The following UNC45B variants were observed in gnomAD, a reference collection of about 807,000 sequenced individuals.
UNC45B encodes unc-45 myosin chaperone B.
Under a neutral mutation model 98.7 loss-of-function variants are expected in UNC45B, and 78 were observed. That is an observed-to-expected ratio of 0.79 (90% confidence interval 0.66 to 0.95). UNC45B has a LOEUF of 0.95. UNC45B is among the 40% of genes least tolerant of loss of function. The pLI is 0.00. For missense variants in UNC45B, 1,225 were observed against 1,184.9 expected (o/e 1.03, Z -0.50); for synonymous variants, 462 against 480.4 (o/e 0.96, Z 0.50).
At chr17:35,161,133 C>T (rs566276497) in intron 8 of UNC45B, among the ~76,000 whole-genome samples, 9 of 152,360 alleles carry the variant, frequency 5.9e-5, no homozygotes, top group African/African-American at 2.2e-4. Context: ...CAGATCTTCT[C>T]TCTCAGCACC....
chr17:35,167,002 T>C (rs1235260219), intron 9 of UNC45B: 3 of 152,282 alleles, frequency 2.0e-5, no homozygotes, highest in Non-Finnish European at 4.4e-5. Context: ...CACGCAGAGA[T>C]TCTCCCCTAG....
intron 7 of UNC45B, among the ~76,000 whole-genome samples, chr17:35,156,231 A>G (rs2092060493): frequency 6.6e-6 from 1 of 152,212 alleles, no homozygotes; most frequent in Admixed American, 6.5e-5. Context: ...ATGGGGACAA[A>G]GTTTCAGTTT....
At chr17:35,153,581 A>G (rs1431483869) in intron 5 of UNC45B, among the ~76,000 whole-genome samples, 2 of 152,202 alleles carry the variant, frequency 1.3e-5, no homozygotes, top group African/African-American at 4.8e-5. Context: ...ACAATGGGGA[A>G]TTTTTGTTAG....
rs933404553 is a variant in UNC45B, at chr17:35,171,324, C to T, written c.1692C>T (p.Thr564=). Residue 564 remains threonine, a splice_region_variant and synonymous_variant, in exon 13 of 20, where the codon ACC becomes ACT. Coordinates refer to ENST00000394570, the MANE Select transcript of UNC45B (RefSeq NM_001267052.2). The part of the protein sequence containing the change: ...ALQAMFELAK[T]SDKTILYSVA... ...CTCCCCAACCCTGTGCCTTCCAGAC[C>T]AGTGACAAGACCATCCTGTACTCGG... is the stretch of plus-strand genomic sequence containing the variant. 3 of 1,613,754 alleles carry T rather than the reference C, an allele frequency of 1.9e-6. No individual in the cohort carries two copies. Among genetic ancestry groups the T allele is most frequent in the Non-Finnish European group, 2.5e-6 (3 of 1,179,858 alleles).
Position 35,186,654 on chromosome 17 carries a change from T to C in UNC45B, c.*95T>C, listed in dbSNP as rs1234385816. 1 of 1,401,384 alleles carries C rather than the reference T, an allele frequency of 7.1e-7. No homozygotes were observed. The highest frequency in any genetic ancestry group is 1.4e-5 in the South Asian group (1 of 73,918). 86.8% of individuals were successfully genotyped at this position (1,401,384 alleles called of 1,614,324 possible). A position where few individuals can be genotyped will look rare whatever the true frequency, so the allele number is the denominator to read the frequency against. On this transcript the variant is annotated 3_prime_UTR_variant, in exon 20 of 20. Transcript: ENST00000394570. ...GAAGAGTCAGGTCATCTAGGGATCA[T>C]AGCAGTGACAATGAAGTCTCAATAT...
intron 17 of UNC45B, among the ~76,000 whole-genome samples, chr17:35,179,396 GC>G (rs1372130138): frequency 6.6e-6 from 1 of 151,934 alleles, no homozygotes; most frequent in Non-Finnish European, 1.5e-5. Context: ...CAATCCCATT[GC>G]TGGGTATATA....
rs760747004 is a variant in UNC45B, at chr17:35,183,489, G to T, written c.2436G>T (p.Gly812=). ...DRLKLVVLLC[G]EDDDKVQNAA... Reference sequence around the variant, plus strand: ...TGAAGCTGGTGGTGCTGCTCTGCGGGGAGGATGATGATAAGGTGCAGAATG... The same window carrying T: ...TGAAGCTGGTGGTGCTGCTCTGCGGTGAGGATGATGATAAGGTGCAGAATG... Residue 812 remains glycine, a synonymous_variant, in exon 19 of 20, where the codon GGG becomes GGT. Transcript: ENST00000394570. 6.2e-7 allele frequency: 1 copy of T among 1,606,266 alleles called. No individual in the cohort carries two copies. Among genetic ancestry groups the T allele is most frequent in the Admixed American group, 1.7e-5 (1 of 59,160 alleles).
Position 35,155,438 on chromosome 17 carries a change from G to A in UNC45B, c.782G>A (p.Arg261Gln), listed in dbSNP as rs1044656347. 13 of 1,614,070 alleles carry A rather than the reference G, an allele frequency of 8.1e-6. No homozygotes were observed. In the African/African-American group the frequency reaches 1.1e-4, roughly 13 times the overall value. ...SLSGEDKREHRGKEEALVLDT... is the reference protein window; with the variant it reads ...SLSGEDKREHQGKEEALVLDT... ...TCTGGGGAGGACAAGCGGGAGCATC[G>A]AGGGAAGGAGGAGGCCCTGGTTCTA... The change falls in exon 7 of 20, where the codon CGA (arginine) becomes CAA (glutamine). Residue 261 changes from arginine (R) to glutamine (Q), a missense_variant. Physicochemically the swap from Arg to Gln is conservative, Grantham distance 43. Transcript: ENST00000394570.
intron 17 of UNC45B, among the ~76,000 whole-genome samples, chr17:35,180,274 G>GAGAA (rs2142597332): frequency 6.6e-6 from 1 of 152,150 alleles, no homozygotes; most frequent in South Asian, 2.1e-4. Flanking sequence ...GAGAGAGAGA[G>GAGAA]AGAGAGAGAG....
intron 5 of UNC45B, 111 bp downstream of exon 5, chr17:35,153,093 G>A: frequency 1.1e-6 from 1 of 893,188 alleles, no homozygotes; most frequent in Non-Finnish European, 1.7e-6. Flanking sequence ...GCCCAGGAAG[G>A]AAAATTGGCC....
chr17:35,157,090 T>A (rs553863891), intron 7 of UNC45B, among the ~76,000 whole-genome samples: 2 of 152,292 alleles, frequency 1.3e-5, no homozygotes, highest in African/African-American at 4.8e-5. Flanking sequence ...TTCAAGAATA[T>A]CATAATCTTC....
rs756944176 is a variant in UNC45B, at chr17:35,159,361, C to T, written c.809-14C>T. On this transcript the variant is annotated splice_polypyrimidine_tract_variant and intron_variant, in intron 7 of 19. Transcript: ENST00000394570. Reference sequence around the variant, plus strand: ...CCTACCCCTCTCTACTTACCCCGTCCTCTTTTTCTTCAGACACCAAGAAGG... The same window carrying T: ...CCTACCCCTCTCTACTTACCCCGTCTTCTTTTTCTTCAGACACCAAGAAGG... 29 of 1,607,688 alleles carry T rather than the reference C, an allele frequency of 1.8e-5. No individual in the cohort carries two copies. The highest frequency in any genetic ancestry group is 2.4e-5 in the Non-Finnish European group (28 of 1,175,748).
Position 35,187,885 on chromosome 17 carries a change from A to T in UNC45B, c.*1326A>T, listed in dbSNP as rs2092313284. On this transcript the variant is annotated 3_prime_UTR_variant, in exon 20 of 20. Coordinates refer to ENST00000394570, the MANE Select transcript of UNC45B (RefSeq NM_001267052.2). ...TACCTACGTTTATTGAAGGGTCAAC[A>T]GTTCTGATCTCAGCATTGGGTAAAG... The T allele has an allele frequency of 6.6e-6, 1 of 152,234 alleles. No individual in the cohort carries two copies. The highest frequency in any genetic ancestry group is 1.5e-5 in the Non-Finnish European group (1 of 68,040). The allele number at this position is 152,234 out of a possible 1,614,324, so 9.4% of individuals were successfully genotyped here.
chr17:35,156,909 A>G (rs895494865), intron 7 of UNC45B, among the ~76,000 whole-genome samples: 2 of 152,094 alleles, frequency 1.3e-5, no homozygotes, highest in Non-Finnish European at 2.9e-5. Flanking sequence ...ACCATTTAAT[A>G]TTCTTTAAAA....
chr17:35,161,146 G>T (rs2092099687), intron 8 of UNC45B, among the ~76,000 whole-genome samples: 1 of 152,194 alleles, frequency 6.6e-6, no homozygotes. Flanking sequence ...TCAGCACCAG[G>T]ATCTAGGCTC....
At position 35,180,671 on chromosome 17, in the gene UNC45B, AAGG is replaced by A; in HGVS notation, c.2372_2373+1del. On this transcript the variant is annotated inframe_deletion and splice_region_variant, in exon 18 of 20. Coordinates refer to ENST00000394570, the MANE Select transcript of UNC45B (RefSeq NM_001267052.2). ...GTGCATGTGCAACATGGTGCTCCAC[AAGG>A]AGGTGAGGCAGGGGCTCAGGATGGA... 2.5e-6 allele frequency: 4 copies of A among 1,612,880 alleles called. No homozygotes were observed. Among genetic ancestry groups the A allele is most frequent in the Non-Finnish European group, 2.5e-6 (3 of 1,179,558 alleles).
intron 7 of UNC45B, 107 bp downstream of exon 7, chr17:35,155,571 ATTTTC>A: frequency 8.2e-7 from 1 of 1,216,116 alleles, no homozygotes; most frequent in Non-Finnish European, 1.2e-6. Context: ...GGTTTTATGT[ATTTTC>A]TTTTCTTCTC....
rs761898634 is a variant in UNC45B at position 35,171,331 on chromosome 17, A to G, written c.1699A>G (p.Lys567Glu). Residue 567 changes from lysine to glutamate, a missense_variant, in exon 13 of 20, where the codon AAG becomes GAG. By Grantham distance (56) the Lys-to-Glu change is moderately conservative. Transcript: ENST00000394570. ...AMFELAKTSD[K>E]TILYSVATTL... ...ACCCTGTGCCTTCCAGACCAGTGAC[A>G]AGACCATCCTGTACTCGGTGGCCAC... 109 of 1,613,964 alleles carry G rather than the reference A, an allele frequency of 6.8e-5. 2 individuals are homozygous for G. In the South Asian group the frequency reaches 8.7e-4, roughly 13 times the overall value.
intron 17 of UNC45B, among the ~76,000 whole-genome samples, chr17:35,178,652 T>C (rs564670376): frequency 2.2e-4 from 33 of 152,356 alleles, no homozygotes; most frequent in Non-Finnish European, 4.4e-5. Context: ...GGTTTTCTTC[T>C]AGGGTTTTTA....
Sources: allele counts gnomAD v4.1 joint callset (sites outside exome capture counted in the v4.1 genomes callset), GRCh38; gene constraint gnomAD v4.1.1; transcripts MANE v1.5; gene names NCBI Gene and HGNC (gene_info 2026-07-23, HGNC 2026-07-21).